The following EIF2B3 variants were observed in gnomAD, a reference collection of about 807,000 sequenced individuals.
EIF2B3 encodes the protein translation initiation factor eIF2B subunit gamma.
A neutral mutation model predicts 54.1 loss-of-function variants in EIF2B3; 20 were observed. The observed-to-expected ratio is 0.37, with a 90% CI of 0.26 to 0.54. The LOEUF (loss-of-function observed/expected upper bound fraction) is 0.54, where lower values mean the gene tolerates loss of function less well. Ranked by LOEUF, EIF2B3 falls within the 20% of genes least tolerant of loss-of-function variation. The pLI is 0.86. For synonymous variants in EIF2B3, 153 were observed against 188.1 expected, an observed-to-expected ratio of 0.81 and a Z score of 1.52; for missense variants, 448 against 547.8, an observed-to-expected ratio of 0.82 and a Z score of 1.82.
chr1:44,923,353 C>T (rs1307630326), intron 5 of EIF2B3, among the ~76,000 whole-genome samples: 2 of 152,166 alleles, frequency 1.3e-5, no homozygotes, highest in Non-Finnish European at 2.9e-5. Flanking sequence ...TCATTCTACT[C>T]TCATATTTGA....
chr1:44,856,407 C>T (rs894170504), intron 11 of EIF2B3, among the ~76,000 whole-genome samples: 4 of 151,220 alleles, frequency 2.6e-5, no homozygotes, highest in Non-Finnish European at 4.4e-5. Flanking sequence ...CTCAGCTGCC[C>T]GGGAGGCTGA....
In EIF2B3 at chr1:44,925,612, T is replaced by G. The variant is rs533567562; in HGVS notation, c.566+1016A>C. Among the ~76,000 whole-genome samples, 67 of 152,190 alleles carry G rather than the reference T, an allele frequency of 4.4e-4. 1 individual carries two copies. Among genetic ancestry groups the G allele is most frequent in the African/African-American group, 1.5e-3 (63 of 41,538 alleles). ...ACCACAATGTGAACACATTTAACAC[T>G]ACTCAACTGTTCACTTAAAAATGGC... On this transcript the variant is annotated intron_variant, in intron 5 of 11. Transcript: ENST00000360403.
At chr1:44,868,397 C>CA (rs34094245) in intron 10 of EIF2B3, among the ~76,000 whole-genome samples, 2,244 of 64,890 alleles carry the variant, frequency 0.035, 74 homozygotes, top group African/African-American at 0.055. Context: ...GACTCCGTCT[C>CA]AAAAAAAAAA....
chr1:44,877,630 TC>T (rs1414156172), intron 8 of EIF2B3, among the ~76,000 whole-genome samples: 1 of 152,020 alleles, frequency 6.6e-6, no homozygotes, highest in Non-Finnish European at 1.5e-5. Context: ...AAGGCATCTA[TC>T]CCCCAGCCAA....
intron 4 of EIF2B3, among the ~76,000 whole-genome samples, chr1:44,934,495 T>A (rs1468047876): frequency 6.6e-6 from 1 of 151,918 alleles, no homozygotes; most frequent in African/African-American, 2.4e-5. Context: ...TTTAATTTTT[T>A]ATTATTTTTT....
intron 2 of EIF2B3, 81 bp from the exon 3 acceptor site, chr1:44,978,541 G>T: frequency 6.1e-6 from 9 of 1,474,032 alleles, no homozygotes; most frequent in Non-Finnish European, 8.3e-6. Context: ...ATTAGATTTG[G>T]TCTATTTCTA....
chr1:44,891,068 G>A (rs1037918302), intron 6 of EIF2B3, among the ~76,000 whole-genome samples: 6 of 149,630 alleles, frequency 4.0e-5, no homozygotes, highest in Admixed American at 1.3e-4. Flanking sequence ...TCCTTCATAC[G>A]GTAGATGGGA....
At chr1:44,866,516 T>G (rs2148897200) in intron 10 of EIF2B3, among the ~76,000 whole-genome samples, 1 of 151,620 alleles carries the variant, frequency 6.6e-6, no homozygotes, top group East Asian at 1.9e-4. Flanking sequence ...TATGGGTGCA[T>G]AGGGAGCACA....
intron 3 of EIF2B3, among the ~76,000 whole-genome samples, chr1:44,968,879 A>C (rs1478781434): frequency 1.4e-5 from 2 of 142,974 alleles, no homozygotes; most frequent in Non-Finnish European, 3.0e-5. Flanking sequence ...CTAGGTGACA[A>C]GAGCAAAACT....
intron 5 of EIF2B3, among the ~76,000 whole-genome samples, chr1:44,917,650 T>G (rs1002348124): frequency 4.6e-5 from 7 of 150,760 alleles, no homozygotes; most frequent in Non-Finnish European, 7.4e-5. Flanking sequence ...TGAAAAAAAC[T>G]GAATCATCTA....
chr1:44,857,569 A>AAGAT, intron 11 of EIF2B3, 135 bp downstream of exon 11: 2 of 855,460 alleles, frequency 2.3e-6, no homozygotes, highest in Non-Finnish European at 3.9e-6. Context: ...CTGCTCTCCA[A>AAGAT]AGATGGCTTT....
chr1:44,851,349 G>A (rs1400925421), intron 11 of EIF2B3, among the ~76,000 whole-genome samples: 1 of 152,038 alleles, frequency 6.6e-6, no homozygotes, highest in Non-Finnish European at 1.5e-5. Context: ...ACAGGTATGA[G>A]CCACCACGCC....
rs1208435729 is a variant in EIF2B3 at position 44,880,107 on chromosome 1, G to C, written c.785-99C>G. The C allele has an allele frequency of 3.8e-6, 5 of 1,331,040 alleles. No homozygotes were observed. In the East Asian group the frequency reaches 1.2e-4, roughly 33 times the overall value. 82.5% of individuals were successfully genotyped at this position (1,331,040 alleles called of 1,614,324 possible). On this transcript the variant is annotated intron_variant, in intron 7 of 11. Transcript: ENST00000360403. ...GTTTTTTTGTTTATTTAAGAGACGAGGTCTTGCTATGTTGCCTAGGCTGGT... is the reference window on the plus strand; with the variant it reads ...GTTTTTTTGTTTATTTAAGAGACGACGTCTTGCTATGTTGCCTAGGCTGGT...
intron 9 of EIF2B3, 82 bp from the exon 10 acceptor site, chr1:44,874,908 T>G: frequency 3.9e-6 from 6 of 1,546,636 alleles, no homozygotes; most frequent in Non-Finnish European, 1.8e-6. Context: ...AGCTGGGATC[T>G]AATGGGATCT....
intron 6 of EIF2B3, among the ~76,000 whole-genome samples, chr1:44,892,932 T>G (rs1479246201): frequency 6.6e-6 from 1 of 152,224 alleles, no homozygotes; most frequent in Non-Finnish European, 1.5e-5. Context: ...AACTGAACAG[T>G]AAGAAACCAA....
intron 11 of EIF2B3, among the ~76,000 whole-genome samples, chr1:44,854,005 T>TG (rs1024499581): frequency 6.6e-6 from 1 of 150,780 alleles, no homozygotes; most frequent in Admixed American, 6.6e-5. Flanking sequence ...TTTTTTTTTT[T>TG]TGTTTTTTTT....
At chr1:44,957,992 A>G (rs1644245950) in intron 3 of EIF2B3, among the ~76,000 whole-genome samples, 1 of 152,342 alleles carries the variant, frequency 6.6e-6, no homozygotes, top group Non-Finnish European at 1.5e-5. Context: ...ATGCAACAAT[A>G]CCACTACTAA....
chr1:44,867,641 G>C (rs750638366), intron 10 of EIF2B3, among the ~76,000 whole-genome samples: 3 of 151,998 alleles, frequency 2.0e-5, no homozygotes, highest in Non-Finnish European at 4.4e-5. Context: ...CCTTTCCCAG[G>C]TTTGCCGTAA....
intron 6 of EIF2B3, among the ~76,000 whole-genome samples, chr1:44,895,707 G>A (rs1317093099): frequency 6.6e-6 from 1 of 152,066 alleles, no homozygotes; most frequent in African/African-American, 2.4e-5. Flanking sequence ...TAGGGTAATG[G>A]GGGGAGAGAA....
Sources: allele counts gnomAD v4.1 joint callset (sites outside exome capture counted in the v4.1 genomes callset), GRCh38; gene constraint gnomAD v4.1.1; transcripts MANE v1.5; gene names NCBI Gene and HGNC (gene_info 2026-07-23, HGNC 2026-07-21).